Variants in CXADR observed in about 807,000 individuals in gnomAD.
CXADR encodes the protein CXADR cell adhesion molecule, also known as coxsackievirus and adenovirus receptor.
CXADR carries 20 observed loss-of-function variants against 40.3 expected under a neutral mutation model. That is an observed-to-expected ratio of 0.50 (90% CI 0.35 to 0.72). The LOEUF (loss-of-function observed/expected upper bound fraction) is 0.72. Among genes scored for constraint, CXADR ranks in the 30% least tolerant of loss-of-function variants. CXADR has a pLI of 0.01. For missense variants in CXADR, 332 were observed against 449.1 expected, an observed-to-expected ratio of 0.74 and a Z score of 2.36; for synonymous variants, 150 against 161.3, an observed-to-expected ratio of 0.93 and a Z score of 0.53.
intron 1 of CXADR, among the ~76,000 whole-genome samples, chr21:17,516,186 C>A (rs1398939482): frequency 6.6e-6 from 1 of 152,186 alleles, no homozygotes; most frequent in African/African-American, 2.4e-5. Context: ...TTATACTTAT[C>A]CCTGTTGTAC....
chr21:17,560,849 G>A (rs2061108552), intron 5 of CXADR, 25 bp downstream of exon 5: 1 of 1,611,002 alleles, frequency 6.2e-7, no homozygotes, highest in South Asian at 1.1e-5. Context: ...TTCTGTTGGT[G>A]GTTTTGTTTC....
chr21:17,547,519 A>T (rs747808292), intron 2 of CXADR, among the ~76,000 whole-genome samples: 74 of 152,222 alleles, frequency 4.9e-4, no homozygotes, highest in Non-Finnish European at 9.4e-4. Context: ...AGAGGCCTAG[A>T]TGGAGCAGGC....
At chr21:17,600,612 G>A in the CXADR span, among the ~76,000 whole-genome samples, 5 of 152,002 alleles carry the variant, frequency 3.3e-5, no homozygotes, top group African/African-American at 9.7e-5. Context: ...CTTGAGCCCA[G>A]GAATTTGAGA....
chr21:17,557,363 G>A (rs2061049972), intron 3 of CXADR, among the ~76,000 whole-genome samples: 1 of 152,152 alleles, frequency 6.6e-6, no homozygotes, highest in Non-Finnish European at 1.5e-5. Flanking sequence ...CCCACTTCCT[G>A]TTTAATCCTC....
At chr21:17,595,488 C>G (rs916782074), downstream of CXADR, among the ~76,000 whole-genome samples, 10 of 151,760 alleles carry the variant, frequency 6.6e-5, no homozygotes, top group Admixed American at 2.0e-4. Context: ...ATATTCTATC[C>G]ACATCTATAC....
At chr21:17,622,594 GT>G in the CXADR span, among the ~76,000 whole-genome samples, 6 of 151,896 alleles carry the variant, frequency 4.0e-5, no homozygotes, top group Admixed American at 1.3e-4. Context: ...CAAATAACTG[GT>G]TTTTTTTCCA....
chr21:17,531,926 T>C (rs1023423338), intron 1 of CXADR, among the ~76,000 whole-genome samples: 21 of 129,658 alleles, frequency 1.6e-4, no homozygotes, highest in Non-Finnish European at 3.1e-4. Context: ...TTCCTGATAT[T>C]TGTTTTTTGG....
At chr21:17,594,097 T>C, downstream of CXADR, 1 of 1,612,366 alleles carries the variant, frequency 6.2e-7, no homozygotes, top group Non-Finnish European at 8.5e-7. Flanking sequence ...ACGAAGTTAG[T>C]GAGGTGCTAA....
intron 1 of CXADR, among the ~76,000 whole-genome samples, chr21:17,542,331 A>G (rs553867571): frequency 6.6e-6 from 1 of 152,370 alleles, no homozygotes; most frequent in South Asian, 2.1e-4. Context: ...TTATCAGTTC[A>G]TAACATTACC....
At chr21:17,513,908 T>G (rs892683577) in intron 1 of CXADR, among the ~76,000 whole-genome samples, 1 of 152,200 alleles carries the variant, frequency 6.6e-6, no homozygotes, top group Non-Finnish European at 1.5e-5. Flanking sequence ...GAGTCGTTCA[T>G]TTTGGAGATA....
intron 7 of CXADR, among the ~76,000 whole-genome samples, chr21:17,585,990 C>T (rs1168134226): frequency 1.3e-5 from 2 of 152,186 alleles, no homozygotes; most frequent in African/African-American, 4.8e-5. Context: ...TAACCACTAA[C>T]ACTTTTCCTG....
intron 1 of CXADR, among the ~76,000 whole-genome samples, chr21:17,534,297 A>G (rs781457096): frequency 1.3e-5 from 2 of 151,490 alleles, no homozygotes; most frequent in African/African-American, 2.4e-5. Flanking sequence ...GGGTTTCGCC[A>G]TGTGGGCCAG....
intron 7 of CXADR, among the ~76,000 whole-genome samples, chr21:17,584,597 C>T (rs1250121816): frequency 1.3e-5 from 2 of 152,082 alleles, no homozygotes; most frequent in South Asian, 2.1e-4. Context: ...TTTGGGAGGC[C>T]GAGGAGGGCG....
Position 17,566,079 on chromosome 21 carries a change from C to T in CXADR, c.*387C>T. ...GAAAGTGGTACTTGATCATTTTTACCATTATTTTTAGGATGTGTATTTCAT... is the reference window on the plus strand; with the variant it reads ...GAAAGTGGTACTTGATCATTTTTACTATTATTTTTAGGATGTGTATTTCAT... On this transcript the variant is annotated 3_prime_UTR_variant, in exon 7 of 7. Coordinates refer to ENST00000284878, the MANE Select transcript of CXADR (RefSeq NM_001338.5). 1.0e-6 allele frequency: 1 copy of T among 987,978 alleles called. No homozygotes were observed. The highest frequency in any genetic ancestry group is 1.2e-6 in the Non-Finnish European group (1 of 831,308). The allele number at this position is 987,978 out of a possible 1,614,324, so 61.2% of individuals were successfully genotyped here. A position where few individuals can be genotyped will look rare whatever the true frequency, so the allele number is the denominator to read the frequency against.
At chr21:17,524,031 T>A (rs1416847240) in intron 1 of CXADR, among the ~76,000 whole-genome samples, 1 of 145,866 alleles carries the variant, frequency 6.9e-6, no homozygotes, top group East Asian at 2.0e-4. Context: ...GGCGATTTTG[T>A]GTGTGTGTGT....
chr21:17,549,166 A>G (rs886805079), intron 2 of CXADR, among the ~76,000 whole-genome samples: 2 of 152,214 alleles, frequency 1.3e-5, no homozygotes, highest in African/African-American at 4.8e-5. Context: ...TTAAAACAAC[A>G]TAGTAAGGTG....
At chr21:17,530,051 C>T (rs144537680) in intron 1 of CXADR, among the ~76,000 whole-genome samples, 1 of 150,784 alleles carries the variant, frequency 6.6e-6, no homozygotes, top group Non-Finnish European at 1.5e-5. Flanking sequence ...TGGGTTCAAG[C>T]GATTCTCTTC....
chr21:17,598,903 T>C, the CXADR span: 1 of 1,105,108 alleles, frequency 9.0e-7, no homozygotes, highest in Non-Finnish European at 1.3e-6. Flanking sequence ...CAAAGAGATC[T>C]GGACATGCCA....
intron 3 of CXADR, among the ~76,000 whole-genome samples, chr21:17,557,446 A>G (rs986691236): frequency 3.3e-5 from 5 of 152,328 alleles, no homozygotes; most frequent in African/African-American, 9.6e-5. Context: ...AGAATCCTTC[A>G]GCATCCCTGC....
Sources: allele counts gnomAD v4.1 joint callset (sites outside exome capture counted in the v4.1 genomes callset), GRCh38; gene constraint gnomAD v4.1.1; transcripts MANE v1.5; gene names NCBI Gene and HGNC (gene_info 2026-07-23, HGNC 2026-07-21).